The following PPARGC1A variants were observed in gnomAD, a reference collection of about 807,000 sequenced individuals.
The protein encoded by PPARGC1A is PPARG coactivator 1 alpha.
A neutral mutation model predicts 88.7 loss-of-function variants in PPARGC1A; 25 were observed. The observed-to-expected ratio is 0.28, with a 90% CI of 0.21 to 0.39. PPARGC1A has a LOEUF of 0.39. Ranked by LOEUF, PPARGC1A falls within the 10% of genes least tolerant of loss-of-function variation. The probability of loss-of-function intolerance (pLI) is 1.00; values close to 1 mark genes in which losing one functional copy is unlikely to be tolerated. For missense variants in PPARGC1A, 880 were observed against 968.7 expected (o/e 0.91, Z 1.22); for synonymous variants, 363 against 355.6 (o/e 1.02, Z -0.24).
At chr4:23,916,250 A>T in the PPARGC1A span, among the ~76,000 whole-genome samples, 67 of 152,346 alleles carry the variant, frequency 4.4e-4, no homozygotes, top group African/African-American at 1.4e-3. Flanking sequence ...TTTGGCATAG[A>T]TGTAAGGATC....
chr4:24,204,188 A>G, the PPARGC1A span, among the ~76,000 whole-genome samples: 1 of 152,214 alleles, frequency 6.6e-6, no homozygotes, highest in Non-Finnish European at 1.5e-5. Flanking sequence ...ACATTGGGCC[A>G]GTAAAGAGTT....
the PPARGC1A span, among the ~76,000 whole-genome samples, chr4:24,365,285 C>T: frequency 6.6e-6 from 1 of 152,030 alleles, no homozygotes; most frequent in African/African-American, 2.4e-5. Flanking sequence ...CCCAAGATTG[C>T]TCAATATTTT....
the PPARGC1A span, among the ~76,000 whole-genome samples, chr4:23,911,218 C>G: frequency 2.6e-5 from 4 of 152,084 alleles, no homozygotes; most frequent in African/African-American, 7.2e-5. Flanking sequence ...ATTCCTCCCC[C>G]CTCCCCTACT....
chr4:24,103,873 T>C, the PPARGC1A span, among the ~76,000 whole-genome samples: 7 of 152,338 alleles, frequency 4.6e-5, no homozygotes, highest in Admixed American at 2.0e-4. Flanking sequence ...ATTATCTTTA[T>C]TTCCAACACA....
At chr4:24,074,175 G>A in the PPARGC1A span, among the ~76,000 whole-genome samples, 4 of 152,178 alleles carry the variant, frequency 2.6e-5, no homozygotes, top group African/African-American at 9.6e-5. Context: ...GAATGAAAAT[G>A]AGAGCTTTTG....
the PPARGC1A span, among the ~76,000 whole-genome samples, chr4:23,919,227 T>G: frequency 6.6e-6 from 1 of 152,172 alleles, no homozygotes; most frequent in African/African-American, 2.4e-5. Flanking sequence ...AACAGATACA[T>G]TTAGGATAAT....
the PPARGC1A span, among the ~76,000 whole-genome samples, chr4:24,456,141 A>T: frequency 2.0e-5 from 3 of 152,230 alleles, no homozygotes; most frequent in Admixed American, 6.5e-5. Flanking sequence ...AAGGGAAGTG[A>T]AAGATTGATG....
chr4:24,325,359 G>A, the PPARGC1A span, among the ~76,000 whole-genome samples: 1 of 152,034 alleles, frequency 6.6e-6, no homozygotes, highest in Non-Finnish European at 1.5e-5. Flanking sequence ...ATAGAAAAAA[G>A]TTGCAATTCC....
chr4:24,077,624 G>GGGGTGTGTGTGT, the PPARGC1A span, among the ~76,000 whole-genome samples: 1 of 130,902 alleles, frequency 7.6e-6, no homozygotes, highest in African/African-American at 2.9e-5. Context: ...TGTGTCTAGG[G>GGGGTGTGTGTGT]GTGTGTGTGT....
chr4:24,305,366 C>T, the PPARGC1A span, among the ~76,000 whole-genome samples: 7 of 152,132 alleles, frequency 4.6e-5, no homozygotes, highest in African/African-American at 1.7e-4. Context: ...TTTCCATTCA[C>T]TATCTGTGTG....
At chr4:23,913,323 T>C in the PPARGC1A span, among the ~76,000 whole-genome samples, 1 of 137,276 alleles carries the variant, frequency 7.3e-6, no homozygotes, top group Non-Finnish European at 1.6e-5. Flanking sequence ...GAAAATCTGT[T>C]TCTCTGGAGA....
At chr4:24,253,277 T>A in the PPARGC1A span, among the ~76,000 whole-genome samples, 1 of 152,328 alleles carries the variant, frequency 6.6e-6, no homozygotes, top group Admixed American at 6.5e-5. Context: ...TTTTGTTCTT[T>A]TTCTTCCAAA....
At chr4:24,002,275 G>A in the PPARGC1A span, among the ~76,000 whole-genome samples, 1 of 152,152 alleles carries the variant, frequency 6.6e-6, no homozygotes, top group East Asian at 1.9e-4. Flanking sequence ...TGACAAGCAT[G>A]CGCCACCACA....
At chr4:24,120,208 G>A in the PPARGC1A span, among the ~76,000 whole-genome samples, 1 of 152,138 alleles carries the variant, frequency 6.6e-6, no homozygotes, top group African/African-American at 2.4e-5. Context: ...CTGAACCTGG[G>A]TCTGTCTGCT....
the PPARGC1A span, among the ~76,000 whole-genome samples, chr4:23,944,561 G>A: frequency 9.9e-5 from 15 of 152,160 alleles, no homozygotes; most frequent in Admixed American, 7.9e-4. Context: ...AAACACTGTT[G>A]ATATGGTTTG....
the PPARGC1A span, among the ~76,000 whole-genome samples, chr4:24,109,196 C>T: frequency 6.6e-6 from 1 of 151,768 alleles, no homozygotes; most frequent in Admixed American, 6.6e-5. Context: ...TGGCCCCCAG[C>T]AGGCCTTGTC....
the PPARGC1A span, among the ~76,000 whole-genome samples, chr4:24,375,393 T>G: frequency 6.6e-6 from 1 of 152,218 alleles, no homozygotes; most frequent in African/African-American, 2.4e-5. Context: ...AAGGTGGGAC[T>G]TACACGGTGC....
chr4:24,034,861 C>T, the PPARGC1A span, among the ~76,000 whole-genome samples: 24 of 152,182 alleles, frequency 1.6e-4, no homozygotes, highest in Non-Finnish European at 3.1e-4. Flanking sequence ...ATACAGTCAT[C>T]GACAGCTGGT....
At chr4:23,882,409 C>T (rs984929964) in intron 2 of PPARGC1A, among the ~76,000 whole-genome samples, 3 of 152,136 alleles carry the variant, frequency 2.0e-5, no homozygotes, top group African/African-American at 7.2e-5. Flanking sequence ...TTTTCAACCT[C>T]AGTGCTTTTT....
Sources: gnomAD v4.1 joint callset for allele counts (sites outside exome capture counted in the v4.1 genomes callset) on GRCh38, gnomAD v4.1.1 for gene constraint, MANE v1.5 for transcripts, NCBI Gene and HGNC (gene_info 2026-07-23, HGNC 2026-07-21) for gene names.